DRG2: variants seen among roughly 807,000 people sequenced by gnomAD.
DRG2 encodes the protein developmentally regulated GTP binding protein 2, also known as developmentally-regulated GTP-binding protein 2.
A neutral mutation model predicts 53.4 loss-of-function variants in DRG2; 36 were observed. The observed-to-expected ratio is 0.67, with a 90% CI of 0.52 to 0.89. The LOEUF (loss-of-function observed/expected upper bound fraction) is 0.89. Among genes scored for constraint, DRG2 ranks in the 40% least tolerant of loss-of-function variants. DRG2 has a pLI of 0.00. For missense variants in DRG2, 342 were observed against 481.2 expected (o/e 0.71, Z 2.71); for synonymous variants, 167 against 192.1 (o/e 0.87, Z 1.08).
At chr17:18,090,406 A>ATATATATAT (rs1555532983) in intron 1 of DRG2, among the ~76,000 whole-genome samples, 3 of 22,686 alleles carry the variant, frequency 1.3e-4, no homozygotes, top group Admixed American at 8.3e-4. Flanking sequence ...ATATATATAT[A>ATATATATAT]TTTTTTTTTT....
chr17:18,099,602 A>G lies in DRG2; in HGVS notation c.377-31A>G, dbSNP rs770688041. 5 of 1,581,206 alleles carry G rather than the reference A, an allele frequency of 3.2e-6. No homozygotes were observed. Among genetic ancestry groups the G allele is most frequent in the Middle Eastern group, 3.3e-4 (2 of 6,054 alleles). Reference sequence around the variant, plus strand: ...CTGGGTAGCAGTCACATGGGTCCACATATGTAACTGCATCCCTCACACCCA... The same window carrying G: ...CTGGGTAGCAGTCACATGGGTCCACGTATGTAACTGCATCCCTCACACCCA... On this transcript the variant is annotated intron_variant, in intron 4 of 12. Transcript: ENST00000225729. The surrounding 1 kb of genome is among the most constrained non-coding windows in gnomAD (Gnocchi z 4.4).
intron 2 of DRG2, 98 bp downstream of exon 2, chr17:18,094,071 TC>T: frequency 6.7e-7 from 1 of 1,488,248 alleles, no homozygotes; most frequent in Non-Finnish European, 9.0e-7. Context: ...TCTGCTTAGC[TC>T]CAGGGACACA....
At position 18,098,798 on chromosome 17, in the gene DRG2, T is replaced by C. The variant is rs1411179655; in HGVS notation, c.316-219T>C. On this transcript the variant is annotated intron_variant, in intron 3 of 12. Transcript: ENST00000225729. This position sits in a 1 kb window ranked among gnomAD's most constrained non-coding sequence, Gnocchi z 4.1. ...ATCATCAGTGATGAGTGTTGTGGGA[T>C]TGGAAGATCTTGAGCCCTCCCTAGG... Among the ~76,000 whole-genome samples, 1 of 152,188 alleles carries C rather than the reference T, an allele frequency of 6.6e-6. No homozygotes were observed. The highest frequency in any genetic ancestry group is 1.5e-5 in the Non-Finnish European group (1 of 68,030).
At chr17:18,090,368 T>TTATTTATATATATATATATATATA (rs1258672077) in intron 1 of DRG2, among the ~76,000 whole-genome samples, 5 of 25,510 alleles carry the variant, frequency 2.0e-4, no homozygotes, top group Non-Finnish European at 3.0e-4. Flanking sequence ...CCGGGCTAAT[T>TTATTTATATATATATATATATATA]TATATATATA....
rs1055136255 is a variant in DRG2, at chr17:18,100,496, G to A, written c.540+61G>A. On this transcript the variant is annotated intron_variant, in intron 6 of 12. Coordinates refer to ENST00000225729, the MANE Select transcript of DRG2 (RefSeq NM_001388.5). This position sits in a 1 kb window ranked among gnomAD's most constrained non-coding sequence, Gnocchi z 4.1. The stretch of plus-strand genomic sequence containing the variant: ...GGCAGTTTTGAGACTGCATTGGCTG[G>A]CGGCTGAGGCTGTGGGACCATTGCT... The A allele has an allele frequency of 1.1e-5, 18 of 1,613,634 alleles. No individual in the cohort carries two copies. Among genetic ancestry groups the A allele is most frequent in the Non-Finnish European group, 1.4e-5 (16 of 1,179,602 alleles).
Position 18,100,438 on chromosome 17 carries a change from G to A in DRG2, c.540+3G>A. 6.2e-7 allele frequency: 1 copy of A among 1,614,270 alleles called. No individual in the cohort carries two copies. The highest frequency in any genetic ancestry group is 8.5e-7 in the Non-Finnish European group (1 of 1,180,052). On this transcript the variant is annotated splice_donor_region_variant and intron_variant, in intron 6 of 12. Coordinates refer to ENST00000225729, the MANE Select transcript of DRG2 (RefSeq NM_001388.5). The surrounding 1 kb of genome is among the most constrained non-coding windows in gnomAD (Gnocchi z 4.1). ...ACAAGCCTAACATCTACTTCAAGGT[G>A]AGGCACCTCTCTGGCCTTCAGGCCA... is the stretch of plus-strand genomic sequence containing the variant.
At chr17:18,094,013 G>C in intron 2 of DRG2, 40 bp downstream of exon 2, 7 of 1,590,670 alleles carry the variant, frequency 4.4e-6, no homozygotes, top group Non-Finnish European at 5.2e-6. Context: ...AGGAAAGCAA[G>C]AAGTCATCTT....
Position 18,098,244 on chromosome 17 carries a change from A to C in DRG2, c.226-26A>C, listed in dbSNP as rs1384675736. 6.2e-7 allele frequency: 1 copy of C among 1,601,294 alleles called. No homozygotes were observed. Among genetic ancestry groups the C allele is most frequent in the Non-Finnish European group, 8.6e-7 (1 of 1,168,862 alleles). On this transcript the variant is annotated intron_variant, in intron 2 of 12. Coordinates refer to ENST00000225729, the MANE Select transcript of DRG2 (RefSeq NM_001388.5). The surrounding 1 kb of genome is among the most constrained non-coding windows in gnomAD (Gnocchi z 4.1). ...CAGAAGGCCAGGGACAAGGCTCCTC[A>C]GTGCAATGATCTCCTTTTCTCCTAG... is the stretch of plus-strand genomic sequence containing the variant.
In DRG2 at chr17:18,099,892, C is replaced by T. The variant is rs901947925; in HGVS notation, c.467+169C>T. On this transcript the variant is annotated intron_variant, in intron 5 of 12. Coordinates refer to ENST00000225729, the MANE Select transcript of DRG2 (RefSeq NM_001388.5). This position sits in a 1 kb window ranked among gnomAD's most constrained non-coding sequence, Gnocchi z 4.4. The stretch of plus-strand genomic sequence containing the variant: ...CACCCAGCCTATGGCGTCTTCTCCT[C>T]AAGGCTTGTGTCCAGCCAGCACAGA... The T allele has an allele frequency of 1.6e-5, 11 of 685,694 alleles. No homozygotes were observed. The African/African-American group carries it at 1.6e-4, about 10-fold the overall frequency. The allele number at this position is 685,694 out of a possible 1,614,324, so 42.5% of individuals were successfully genotyped here.
In DRG2 at chr17:18,107,876, A is replaced by C. The variant is rs1157397210; in HGVS notation, c.*636A>C. 6.6e-6 allele frequency: 1 copy of C among 152,492 alleles called. No individual in the cohort carries two copies. Among genetic ancestry groups the C allele is most frequent in the Non-Finnish European group, 1.5e-5 (1 of 68,248 alleles). The allele number at this position is 152,492 out of a possible 1,614,324, so 9.4% of individuals were successfully genotyped here. On this transcript the variant is annotated 3_prime_UTR_variant, in exon 13 of 13. Coordinates refer to ENST00000225729, the MANE Select transcript of DRG2 (RefSeq NM_001388.5). ...CAAAACCCCAGGACCCTGGCTCTGC[A>C]CGCCTGGGGCAGGGACTTTTGAGTT...
rs750330429 is a variant in DRG2, at chr17:18,107,264, C to T, written c.*24C>T. ...AACGGCGCCTGCCGGGCCTCCCGCCCACCTGCCTCGTCTCCCTGGGGAGGT... is the reference window on the plus strand; with the variant it reads ...AACGGCGCCTGCCGGGCCTCCCGCCTACCTGCCTCGTCTCCCTGGGGAGGT... On this transcript the variant is annotated 3_prime_UTR_variant, in exon 13 of 13. Coordinates refer to ENST00000225729, the MANE Select transcript of DRG2 (RefSeq NM_001388.5). 1.1e-5 allele frequency: 18 copies of T among 1,610,124 alleles called. No homozygotes were observed. The highest frequency in any genetic ancestry group is 2.7e-5 in the African/African-American group (2 of 74,894).
chr17:18,100,984 G>A lies in DRG2; in HGVS notation c.631+325G>A, dbSNP rs2045522818. 6.6e-6 allele frequency among the ~76,000 whole-genome samples: 1 copy of A among 152,220 alleles called. No homozygotes were observed. On this transcript the variant is annotated intron_variant, in intron 7 of 12. Transcript: ENST00000225729. The surrounding 1 kb of genome is among the most constrained non-coding windows in gnomAD (Gnocchi z 4.1). ...AGCCCCAGGGAGAGCTGGGGAATGG[G>A]TGGTGCCTCTAAAGTAGTGTCGGGG...
chr17:18,090,084 G>C (rs2045286860), intron 1 of DRG2, among the ~76,000 whole-genome samples: 1 of 151,376 alleles, frequency 6.6e-6, no homozygotes. Context: ...AGACAAAGGA[G>C]ATATAAAGGT....
In DRG2 at chr17:18,103,796, T is replaced by G; in HGVS notation, c.807-5T>G. The G allele has an allele frequency of 6.2e-7, 1 of 1,614,056 alleles. No homozygotes were observed. Among genetic ancestry groups the G allele is most frequent in the African/African-American group, 1.3e-5 (1 of 75,050 alleles). Reference sequence around the variant, plus strand: ...CTGCCTGACTGGCCGCCTCCCTCTTTGCAGCTGCGGCATGAAGCTGAACCT... The same window carrying G: ...CTGCCTGACTGGCCGCCTCCCTCTTGGCAGCTGCGGCATGAAGCTGAACCT... On this transcript the variant is annotated splice_polypyrimidine_tract_variant and splice_region_variant and intron_variant, in intron 9 of 12. Transcript: ENST00000225729. This position sits in a 1 kb window ranked among gnomAD's most constrained non-coding sequence, Gnocchi z 4.4.
rs772025269 is a variant in DRG2 at position 18,101,539 on chromosome 17, C to T, written c.678C>T (p.Asp226=). The change falls in exon 8 of 13, where the codon GAC becomes GAT. Residue 226 remains aspartate, a synonymous_variant. Coordinates refer to ENST00000225729, the MANE Select transcript of DRG2 (RefSeq NM_001388.5). ...EVLFREDCSP[D]EFIDVIVGNR... is the part of the protein sequence containing the mutation. ...TTTTCCGAGAAGACTGCTCCCCGGA[C>T]GAGTTCATCGATGTGATCGTGGGCA... 5.6e-6 allele frequency: 9 copies of T among 1,614,064 alleles called. No individual in the cohort carries two copies. The highest frequency in any genetic ancestry group is 3.3e-5 in the Admixed American group (2 of 59,998).
intron 11 of DRG2, 132 bp downstream of exon 11, chr17:18,104,813 G>A (rs1597730718): frequency 6.8e-7 from 1 of 1,469,116 alleles, no homozygotes; most frequent in Non-Finnish European, 9.2e-7. Context: ...CGCAGGCTCT[G>A]GAGTTGGACA....
intron 9 of DRG2, 120 bp downstream of exon 9, chr17:18,102,117 C>G: frequency 9.7e-7 from 1 of 1,035,582 alleles, no homozygotes; most frequent in African/African-American, 1.6e-5. Flanking sequence ...TCCAGCAGCA[C>G]ACAGCCGTCA....
chr17:18,106,352 T>G, intron 11 of DRG2, 81 bp from the exon 12 acceptor site: 71 of 1,531,374 alleles, frequency 4.6e-5, no homozygotes, highest in Non-Finnish European at 5.5e-5. Context: ...GCCTGTGTCC[T>G]GAGCTTTGGG....
Position 18,107,297 on chromosome 17 carries a change from C to A in DRG2, c.*57C>A. On this transcript the variant is annotated 3_prime_UTR_variant, in exon 13 of 13. Coordinates refer to ENST00000225729, the MANE Select transcript of DRG2 (RefSeq NM_001388.5). ...TCGTCTCCCTGGGGAGGTGGTCCCACTGGGACACACAAACACCCAAACAGA... is the reference window on the plus strand; with the variant it reads ...TCGTCTCCCTGGGGAGGTGGTCCCAATGGGACACACAAACACCCAAACAGA... 1 of 1,542,286 alleles carries A rather than the reference C, an allele frequency of 6.5e-7. No individual in the cohort carries two copies. The highest frequency in any genetic ancestry group is 8.9e-7 in the Non-Finnish European group (1 of 1,122,842).
Sources: gnomAD v4.1 joint callset for allele counts (sites outside exome capture counted in the v4.1 genomes callset) on GRCh38, gnomAD v4.1.1 for gene constraint, Gnocchi (gnomAD v3.1) non-coding constraint, MANE v1.5 for transcripts, NCBI Gene and HGNC (gene_info 2026-07-23, HGNC 2026-07-21) for gene names.